RANBP17: variants seen among roughly 807,000 people sequenced by gnomAD.
RANBP17 encodes ran-binding protein 17.
RANBP17 carries 158 observed loss-of-function variants against 141.2 expected under a neutral mutation model. That is an observed-to-expected ratio of 1.12 (90% CI 0.98 to 1.28). RANBP17 has a LOEUF of 1.28. RANBP17 is among the 50% of genes most tolerant of loss of function. The pLI, the probability that RANBP17 is intolerant of heterozygous loss-of-function variation, is 0.00. For missense variants in RANBP17, 1,438 were observed against 1,290.7 expected, an observed-to-expected ratio of 1.11 and a Z score of -1.75; for synonymous variants, 430 against 450.0, an observed-to-expected ratio of 0.96 and a Z score of 0.56.
intron 12 of RANBP17, among the ~76,000 whole-genome samples, chr5:170,952,045 G>T (rs1393850793): frequency 6.6e-6 from 1 of 151,956 alleles, no homozygotes; most frequent in African/African-American, 2.4e-5. Flanking sequence ...GGAACGTGAA[G>T]ATCACCTACT....
In RANBP17 at chr5:170,923,627, A is replaced by G. The variant is rs181291220; in HGVS notation, c.1275-730A>G. On this transcript the variant is annotated intron_variant, in intron 11 of 27. Transcript: ENST00000523189. ...ATATTGAGTCTCTTAGTCTCTGAGC[A>G]TGTCTATCTTTTAGTTTATTTAGCT... Among the ~76,000 whole-genome samples, 39 of 152,300 alleles carry G rather than the reference A, an allele frequency of 2.6e-4. 1 individual carries two copies. Among genetic ancestry groups the G allele is most frequent in the Admixed American group, 1.0e-3 (16 of 15,300 alleles).
At chr5:170,933,228 G>A (rs141165839) in intron 12 of RANBP17, among the ~76,000 whole-genome samples, 2,591 of 152,232 alleles carry the variant, frequency 0.017, 69 homozygotes, top group African/African-American at 0.059. Context: ...TCTGATGGTA[G>A]TCTGCATTTC....
intron 12 of RANBP17, among the ~76,000 whole-genome samples, chr5:170,944,483 G>T (rs1396829058): frequency 6.6e-6 from 1 of 152,152 alleles, no homozygotes; most frequent in Non-Finnish European, 1.5e-5. Context: ...GGCCAGGCTG[G>T]TCTCGAGCCC....
intron 14 of RANBP17, among the ~76,000 whole-genome samples, chr5:171,084,105 TC>T (rs1194838804): frequency 7.5e-5 from 7 of 93,166 alleles, no homozygotes; most frequent in Non-Finnish European, 1.5e-4. Context: ...ATGCTATCCC[TC>T]CCCCCTCCCC....
At chr5:171,238,424 T>G (rs1028040926) in intron 22 of RANBP17, among the ~76,000 whole-genome samples, 1 of 152,154 alleles carries the variant, frequency 6.6e-6, no homozygotes, top group African/African-American at 2.4e-5. Context: ...CTTTACAGAT[T>G]TTTTTTCCCA....
chr5:171,186,982 A>G (rs1047341111), intron 18 of RANBP17, among the ~76,000 whole-genome samples: 2 of 152,088 alleles, frequency 1.3e-5, no homozygotes, highest in Non-Finnish European at 2.9e-5. Context: ...TTGACCTATT[A>G]AAGCTTTTGA....
chr5:171,183,754 C>A (rs1005557659), intron 18 of RANBP17, among the ~76,000 whole-genome samples: 1 of 152,170 alleles, frequency 6.6e-6, no homozygotes, highest in African/African-American at 2.4e-5. Context: ...AAACTTTACA[C>A]ACAAAGATTT....
At chr5:171,100,046 G>T (rs888826383) in intron 14 of RANBP17, among the ~76,000 whole-genome samples, 26 of 152,178 alleles carry the variant, frequency 1.7e-4, no homozygotes, top group African/African-American at 5.8e-4. Flanking sequence ...GTTCATCAGG[G>T]TTATTGGCCT....
At chr5:171,039,894 C>T (rs886333421) in intron 14 of RANBP17, among the ~76,000 whole-genome samples, 1 of 152,040 alleles carries the variant, frequency 6.6e-6, no homozygotes, top group Admixed American at 6.6e-5. Context: ...ACCTACCAAC[C>T]AATAAAAGCC....
intron 14 of RANBP17, among the ~76,000 whole-genome samples, chr5:171,008,420 G>A (rs779965784): frequency 1.3e-5 from 2 of 152,134 alleles, no homozygotes; most frequent in Admixed American, 6.5e-5. Flanking sequence ...CAAATGTCAC[G>A]GACGTCCGTG....
At chr5:171,021,300 G>T (rs1259095811) in intron 14 of RANBP17, among the ~76,000 whole-genome samples, 1 of 152,160 alleles carries the variant, frequency 6.6e-6, no homozygotes, top group Admixed American at 6.5e-5. Flanking sequence ...TGTATTTCCT[G>T]AATTTGAATA....
At chr5:170,897,344 C>T in intron 5 of RANBP17, 1 of 509,884 alleles carries the variant, frequency 2.0e-6, no homozygotes. Context: ...TGGCACATTT[C>T]TTCTTCTTCT....
At chr5:170,950,618 C>G (rs1247719599) in intron 12 of RANBP17, among the ~76,000 whole-genome samples, 1 of 152,026 alleles carries the variant, frequency 6.6e-6, no homozygotes, top group Non-Finnish European at 1.5e-5. Flanking sequence ...AAAGGGAACT[C>G]TTACACACTG....
At chr5:170,946,367 T>G (rs972106009) in intron 12 of RANBP17, among the ~76,000 whole-genome samples, 1 of 152,164 alleles carries the variant, frequency 6.6e-6, no homozygotes, top group Non-Finnish European at 1.5e-5. Context: ...CAGAGAGTCA[T>G]TACATATGCA....
chr5:170,960,180 C>G (rs1053883069), intron 13 of RANBP17, among the ~76,000 whole-genome samples: 16 of 152,066 alleles, frequency 1.1e-4, no homozygotes, highest in Non-Finnish European at 2.2e-4. Context: ...AAACCTTAAC[C>G]CTGAGGGAAT....
intron 19 of RANBP17, among the ~76,000 whole-genome samples, chr5:171,202,009 G>A (rs868517411): frequency 1.3e-4 from 20 of 152,202 alleles, no homozygotes; most frequent in African/African-American, 4.8e-4. Context: ...CATTTAATTT[G>A]CACCTCTTAC....
At chr5:171,062,717 A>G (rs564185831) in intron 14 of RANBP17, among the ~76,000 whole-genome samples, 1 of 152,092 alleles carries the variant, frequency 6.6e-6, no homozygotes, top group Admixed American at 6.6e-5. Flanking sequence ...GCCTTTCTAG[A>G]TTGGGGAAGT....
intron 26 of RANBP17, among the ~76,000 whole-genome samples, chr5:171,294,354 G>A (rs987418229): frequency 6.6e-6 from 1 of 152,134 alleles, no homozygotes; most frequent in Non-Finnish European, 1.5e-5. Flanking sequence ...CACTGCCCTA[G>A]GTGGTGACAG....
chr5:171,005,609 A>C (rs893899818), intron 14 of RANBP17, among the ~76,000 whole-genome samples: 10 of 152,228 alleles, frequency 6.6e-5, no homozygotes, highest in Admixed American at 1.3e-4. Flanking sequence ...TGGATTAAAG[A>C]CTTACATGTT....
Sources: gnomAD v4.1 joint callset for allele counts (sites outside exome capture counted in the v4.1 genomes callset) on GRCh38, gnomAD v4.1.1 for gene constraint, MANE v1.5 for transcripts, NCBI Gene and HGNC (gene_info 2026-07-23, HGNC 2026-07-21) for gene names.